Variants in PTK2 observed in about 807,000 individuals in gnomAD.
The protein encoded by PTK2 is focal adhesion kinase 1.
In PTK2, 45 loss-of-function variants were observed where a neutral mutation model predicts 150.1. The ratio of observed to expected loss-of-function variants is 0.30; its 90% CI spans 0.24 to 0.38. The LOEUF (loss-of-function observed/expected upper bound fraction) is 0.38. PTK2 is among the 10% of genes least tolerant of loss of function. PTK2 has a pLI of 1.00. For synonymous variants in PTK2, 432 were observed against 449.2 expected, an observed-to-expected ratio of 0.96 and a Z score of 0.48; for missense variants, 919 against 1,307.3, an observed-to-expected ratio of 0.70 and a Z score of 4.58.
At chr8:140,841,299 C>T (rs2100122195) in intron 7 of PTK2, among the ~76,000 whole-genome samples, 1 of 151,960 alleles carries the variant, frequency 6.6e-6, no homozygotes, top group African/African-American at 2.4e-5. Flanking sequence ...ATTTTTGAAA[C>T]TTTTTCATGA....
chr8:140,707,280 A>G (rs1224618419), intron 23 of PTK2, among the ~76,000 whole-genome samples: 1 of 152,098 alleles, frequency 6.6e-6, no homozygotes, highest in Admixed American at 6.5e-5. Context: ...GCTCACGCCT[A>G]TAATCCCAGC....
At chr8:140,860,292 TTTC>T (rs1347987058) in intron 5 of PTK2, among the ~76,000 whole-genome samples, 7 of 152,228 alleles carry the variant, frequency 4.6e-5, no homozygotes, top group Admixed American at 3.9e-4. Flanking sequence ...GTAAATCTTA[TTTC>T]TTTTGAATAA....
At chr8:140,721,392 C>A (rs1285044832) in intron 22 of PTK2, among the ~76,000 whole-genome samples, 1 of 152,172 alleles carries the variant, frequency 6.6e-6, no homozygotes, top group East Asian at 1.9e-4. Context: ...AAAGATGTTA[C>A]AACTATAAGG....
intron 4 of PTK2, among the ~76,000 whole-genome samples, chr8:140,864,726 G>A (rs141753737): frequency 1.3e-5 from 2 of 152,180 alleles, no homozygotes; most frequent in Non-Finnish European, 2.9e-5. Flanking sequence ...GACTTCCCAC[G>A]TCTAAATTTT....
At chr8:140,761,346 A>G (rs2100069336) in intron 15 of PTK2, 84 bp from the exon 19 acceptor site, 23 of 1,112,548 alleles carry the variant, frequency 2.1e-5, no homozygotes, top group Non-Finnish European at 2.7e-5. Context: ...TTGATCATCC[A>G]TAAGTAAAAT....
intron 16 of PTK2, among the ~76,000 whole-genome samples, chr8:140,760,845 A>C (rs1446869514): frequency 6.6e-6 from 1 of 152,260 alleles, no homozygotes; most frequent in Non-Finnish European, 1.5e-5. Flanking sequence ...GCAGGTAAAT[A>C]GGTATACTGG....
At chr8:140,878,243 T>C (rs1340077226) in intron 4 of PTK2, among the ~76,000 whole-genome samples, 1 of 152,192 alleles carries the variant, frequency 6.6e-6, no homozygotes, top group African/African-American at 2.4e-5. Flanking sequence ...ACCTGACAAA[T>C]TTGAAAATAC....
At chr8:140,775,754 T>C (rs1007247319) in intron 14 of PTK2, among the ~76,000 whole-genome samples, 2 of 152,134 alleles carry the variant, frequency 1.3e-5, no homozygotes, top group African/African-American at 2.4e-5. Flanking sequence ...GGGCTCCAAC[T>C]TGAAGTCAGT....
At chr8:140,764,381 A>C in intron 14 of PTK2, 91 bp from the exon 17 acceptor site, 1 of 975,428 alleles carries the variant, frequency 1.0e-6, no homozygotes, top group East Asian at 2.4e-5. Flanking sequence ...CGATCTGCTT[A>C]AATCCTCTAC....
chr8:140,742,952 T>G (rs1246328127), intron 20 of PTK2, among the ~76,000 whole-genome samples: 1 of 152,238 alleles, frequency 6.6e-6, no homozygotes, highest in African/African-American at 2.4e-5. Flanking sequence ...GCTAAATATT[T>G]ACTCGTGTTT....
exon 7 of PTK2, chr8:140,846,316 T>C (rs1308150484): frequency 1.9e-6 from 3 of 1,612,316 alleles, no homozygotes; most frequent in East Asian, 4.5e-5. Context: ...TCTCCCAGTA[T>C]GATCGCCTAA....
intron 20 of PTK2, among the ~76,000 whole-genome samples, chr8:140,741,876 T>A (rs1308495648): frequency 6.6e-6 from 1 of 152,180 alleles, no homozygotes; most frequent in Non-Finnish European, 1.5e-5. Flanking sequence ...TGATGGTTCA[T>A]GCCTGAAATC....
exon 32 of PTK2, chr8:140,657,917 G>A (rs753805822): frequency 1.3e-5 from 2 of 152,186 alleles, no homozygotes; most frequent in South Asian, 2.1e-4. Flanking sequence ...GCACATAAGA[G>A]CATGTATTTA....
intron 2 of PTK2, among the ~76,000 whole-genome samples, chr8:140,891,259 G>C (rs375690293): frequency 1.3e-5 from 2 of 152,004 alleles, no homozygotes; most frequent in East Asian, 3.8e-4. Context: ...TAAGGTCCCT[G>C]GCTTAACCAA....
intron 7 of PTK2, among the ~76,000 whole-genome samples, chr8:140,837,871 C>T (rs1466905278): frequency 2.6e-5 from 4 of 152,000 alleles, no homozygotes; most frequent in African/African-American, 9.7e-5. Context: ...TCAGCCTGGC[C>T]AACATGGTAA....
At chr8:140,709,382 T>C (rs1372349000) in intron 23 of PTK2, among the ~76,000 whole-genome samples, 2 of 152,166 alleles carry the variant, frequency 1.3e-5, no homozygotes, top group Non-Finnish European at 2.9e-5. Flanking sequence ...ATAGACAAAA[T>C]ATTTGCACAA....
At chr8:140,861,293 G>T (rs1445538601) in intron 5 of PTK2, among the ~76,000 whole-genome samples, 1 of 152,158 alleles carries the variant, frequency 6.6e-6, no homozygotes, top group Non-Finnish European at 1.5e-5. Context: ...AGGCTGCAGT[G>T]AGGTATAATC....
At chr8:140,910,970 T>C (rs1171070138) in intron 2 of PTK2, among the ~76,000 whole-genome samples, 1 of 152,004 alleles carries the variant, frequency 6.6e-6, no homozygotes, top group Non-Finnish European at 1.5e-5. Context: ...CTCAACCTCC[T>C]TGACTCAAGC....
chr8:140,787,083 A>T (rs568236678), intron 14 of PTK2, among the ~76,000 whole-genome samples: 76 of 152,288 alleles, frequency 5.0e-4, no homozygotes, highest in African/African-American at 1.7e-3. Context: ...AATGATTACT[A>T]AAAGTTTCTG....
Sources: gnomAD v4.1 joint callset for allele counts (sites outside exome capture counted in the v4.1 genomes callset) on GRCh38, gnomAD v4.1.1 for gene constraint, MANE v1.5 for transcripts, NCBI Gene and HGNC (gene_info 2026-07-23, HGNC 2026-07-21) for gene names.